The following BCL7C variants were observed in gnomAD, a reference collection of about 807,000 sequenced individuals.
BCL7C encodes B-cell CLL/lymphoma 7 protein family member C.
In BCL7C, 8 loss-of-function variants were observed where a neutral mutation model predicts 26.2. The ratio of observed to expected loss-of-function variants is 0.30; its 90% confidence interval spans 0.18 to 0.55. BCL7C has a LOEUF of 0.55. Among genes scored for constraint, BCL7C ranks in the 20% least tolerant of loss-of-function variants. The probability of loss-of-function intolerance (pLI) is 0.93; values close to 1 mark genes in which losing one functional copy is unlikely to be tolerated. For missense variants in BCL7C, 262 were observed against 298.5 expected (o/e 0.88, Z 0.90); for synonymous variants, 90 against 116.5 (o/e 0.77, Z 1.47).
At chr16:30,848,656 G>A (rs1229222099) in intron 5 of BCL7C, among the ~76,000 whole-genome samples, 5 of 152,074 alleles carry the variant, frequency 3.3e-5, no homozygotes, top group Admixed American at 6.5e-5. Context: ...TTGGGAGGCC[G>A]AGGCCAGCAG....
At position 30,893,249 on chromosome 16, in the gene BCL7C, A is replaced by T. The variant is rs779212353; in HGVS notation, c.134T>A (p.Ile45Asn). Residue 45 changes from isoleucine (I) to asparagine (N), a missense_variant, in exon 2 of 6, where the codon ATC (isoleucine) becomes AAC (asparagine). By Grantham distance (149) the Ile-to-Asn change is moderately radical (BLOSUM62 -3). Transcript: ENST00000215115. This position sits in a 1 kb window ranked among gnomAD's most constrained non-coding sequence, Gnocchi z 5.2. Reference protein sequence around the residue: ...WVTVGDTSLRIFKWVPVVDPQ... With the variant: ...WVTVGDTSLRNFKWVPVVDPQ... ...ATCCACCACTGGCACCCACTTGAAG[A>T]TACGAAGGGAAGTGTCGCCCACAGT... 3 of 1,613,638 alleles carry T rather than the reference A, an allele frequency of 1.9e-6. No homozygotes were observed. Among genetic ancestry groups the T allele is most frequent in the Non-Finnish European group, 2.5e-6 (3 of 1,179,744 alleles).
At chr16:30,859,752 T>C (rs2054754022) in intron 5 of BCL7C, among the ~76,000 whole-genome samples, 1 of 152,250 alleles carries the variant, frequency 6.6e-6, no homozygotes, top group Non-Finnish European at 1.5e-5. Context: ...TAAGAACTAA[T>C]GATAATCCCA....
chr16:30,846,831 C>T (rs1000766782), intron 5 of BCL7C, among the ~76,000 whole-genome samples: 1 of 152,232 alleles, frequency 6.6e-6, no homozygotes, highest in African/African-American at 2.4e-5. Context: ...AGTGGGATGC[C>T]AGCAACCCAT....
intron 5 of BCL7C, among the ~76,000 whole-genome samples, chr16:30,874,696 C>T (rs1039046136): frequency 6.6e-6 from 1 of 152,160 alleles, no homozygotes; most frequent in Non-Finnish European, 1.5e-5. Context: ...TTAACTTGGT[C>T]GGGTCTCTGA....
chr16:30,848,868 G>A (rs2054652061), intron 5 of BCL7C, among the ~76,000 whole-genome samples: 1 of 147,892 alleles, frequency 6.8e-6, no homozygotes, highest in Non-Finnish European at 1.5e-5. Flanking sequence ...TTCCAGCCTG[G>A]GTGACAAAGT....
At chr16:30,846,327 G>T (rs2054635271) in intron 5 of BCL7C, among the ~76,000 whole-genome samples, 1 of 151,156 alleles carries the variant, frequency 6.6e-6, no homozygotes, top group Non-Finnish European at 1.5e-5. Context: ...CTGGGTTTAA[G>T]AGATTCTCCT....
intron 5 of BCL7C, among the ~76,000 whole-genome samples, chr16:30,874,099 G>C (rs1483911294): frequency 6.6e-6 from 1 of 150,512 alleles, no homozygotes. Context: ...GGGTTCAAGG[G>C]ATTCTCCTGC....
At chr16:30,838,873 A>G (rs749193793) in intron 5 of BCL7C, among the ~76,000 whole-genome samples, 6 of 152,274 alleles carry the variant, frequency 3.9e-5, no homozygotes, top group Non-Finnish European at 7.3e-5. Context: ...AATGCATTAT[A>G]GCATTTTCAG....
rs138503357 is a variant in BCL7C, at chr16:30,893,252, C to T, written c.131G>A (p.Arg44His). 6.1e-5 allele frequency: 98 copies of T among 1,613,478 alleles called. No individual in the cohort carries two copies. Among genetic ancestry groups the T allele is most frequent in the Non-Finnish European group, 7.7e-5 (91 of 1,179,708 alleles). Residue 44 changes from arginine to histidine, a missense_variant, in exon 2 of 6, where the codon CGT (arginine) becomes CAT (histidine). Transcript: ENST00000215115. This position sits in a 1 kb window ranked among gnomAD's most constrained non-coding sequence, Gnocchi z 5.2. ...RWVTVGDTSL[R>H]IFKWVPVVDP... ...CACCACTGGCACCCACTTGAAGATA[C>T]GAAGGGAAGTGTCGCCCACAGTCAC...
intron 4 of BCL7C, 30 bp from the exon 5 acceptor site, chr16:30,888,975 G>A: frequency 6.2e-7 from 1 of 1,602,984 alleles, no homozygotes. Flanking sequence ...AACATCCCCT[G>A]AACAGCCACT....
At position 30,893,963 on chromosome 16, in the gene BCL7C, G is replaced by C. The variant is rs758841312; in HGVS notation, c.-19C>G. On this transcript the variant is annotated 5_prime_UTR_variant, in exon 1 of 6. Coordinates refer to ENST00000215115, the MANE Select transcript of BCL7C (RefSeq NM_004765.4). The surrounding 1 kb of genome is among the most constrained non-coding windows in gnomAD (Gnocchi z 5.2). ...CGGCCATGCTGGCGGGGCTGGGGCC[G>C]GGGCCGAGCCCGCGGCGGGGCCGCC... is the stretch of plus-strand genomic sequence containing the variant. 1.5e-6 allele frequency: 2 copies of C among 1,364,628 alleles called. No individual in the cohort carries two copies. The highest frequency in any genetic ancestry group is 1.6e-5 in the South Asian group (1 of 61,096). 84.5% of individuals were successfully genotyped at this position (1,364,628 alleles called of 1,614,324 possible).
chr16:30,887,661 C>T (rs534802757), downstream of BCL7C: 3 of 784,876 alleles, frequency 3.8e-6, no homozygotes, highest in Non-Finnish European at 3.8e-6. Context: ...GCCCCCACCC[C>T]ACTCTGCCTT....
chr16:30,859,668 C>T (rs868418438), intron 5 of BCL7C, among the ~76,000 whole-genome samples: 3 of 152,146 alleles, frequency 2.0e-5, no homozygotes, highest in African/African-American at 4.8e-5. Context: ...ATATTCTCCC[C>T]TGCCCTTAAG....
rs72155482 is a variant in BCL7C at position 30,881,392 on chromosome 16, T to TCACA, written c.528+7464_528+7467dup. Among the ~76,000 whole-genome samples, 871 of 144,206 alleles carry TCACA rather than the reference T, an allele frequency of 6.0e-3. 1 individual carries two copies. The highest frequency in any genetic ancestry group is 0.014 in the African/African-American group (539 of 38,470). The allele number at this position is 144,206 out of a possible 152,430, so 94.6% of individuals were successfully genotyped here. On this transcript the variant is annotated intron_variant, in intron 5 of 5. Transcript: ENST00000380317. Reference sequence around the variant, plus strand: ...GCCTGGGTGACAGAGTGAGACTCCGTCACACACACACACACACACACACAC... The same window carrying TCACA: ...GCCTGGGTGACAGAGTGAGACTCCGTCACACACACACACACACACACACACACAC...
At chr16:30,868,129 G>GTTTT (rs11404665) in intron 5 of BCL7C, among the ~76,000 whole-genome samples, 3 of 131,634 alleles carry the variant, frequency 2.3e-5, no homozygotes, top group African/African-American at 8.7e-5. Context: ...AAATCTGTGG[G>GTTTT]TTTTTTTTTT....
chr16:30,880,309 C>T (rs1180954031), intron 5 of BCL7C, among the ~76,000 whole-genome samples: 19 of 151,712 alleles, frequency 1.3e-4, no homozygotes, highest in Admixed American at 1.2e-3. Context: ...TATGGTGAGA[C>T]CCCGTCTCTG....
downstream of BCL7C, among the ~76,000 whole-genome samples, chr16:30,886,899 G>A (rs1434467068): frequency 3.9e-5 from 6 of 152,154 alleles, no homozygotes; most frequent in Non-Finnish European, 5.9e-5. Flanking sequence ...TAGGCTGGGC[G>A]CGGTGGCTCA....
chr16:30,883,966 A>C (rs2055085325), downstream of BCL7C, among the ~76,000 whole-genome samples: 1 of 151,196 alleles, frequency 6.6e-6, no homozygotes, highest in Non-Finnish European at 1.5e-5. Flanking sequence ...TCTACTAAAA[A>C]TACAAAAAAT....
downstream of BCL7C, among the ~76,000 whole-genome samples, chr16:30,887,117 T>C (rs1388480334): frequency 6.6e-6 from 1 of 152,144 alleles, no homozygotes; most frequent in Non-Finnish European, 1.5e-5. Context: ...GAGACCAGCC[T>C]GGCCAACATG....
Sources: gnomAD v4.1 joint callset for allele counts (sites outside exome capture counted in the v4.1 genomes callset) on GRCh38, gnomAD v4.1.1 for gene constraint, Gnocchi (gnomAD v3.1) non-coding constraint, MANE v1.5 for transcripts, NCBI Gene and HGNC (gene_info 2026-07-23, HGNC 2026-07-21) for gene names.